The following ATP2B2 variants were observed in gnomAD, a reference collection of about 807,000 sequenced individuals.
ATP2B2 encodes the protein plasma membrane calcium-transporting ATPase 2.
ATP2B2 carries 15 observed loss-of-function variants against 120.0 expected under a neutral mutation model. That is an observed-to-expected ratio of 0.12 (90% CI 0.08 to 0.19). The LOEUF (loss-of-function observed/expected upper bound fraction) is 0.19. Ranked by LOEUF, ATP2B2 falls within the 10% of genes least tolerant of loss-of-function variation. The pLI is 1.00. For missense variants in ATP2B2, 1,045 were observed against 1,719.8 expected (o/e 0.61, Z 6.94); for synonymous variants, 694 against 700.3 (o/e 0.99, Z 0.14).
intron 1 of ATP2B2, among the ~76,000 whole-genome samples, chr3:10,477,620 G>A (rs150821332): frequency 1.2e-4 from 19 of 152,218 alleles, no homozygotes; most frequent in Admixed American, 2.0e-4. Flanking sequence ...CTACTGTAGC[G>A]ACCTCATATA....
At chr3:10,582,200 T>TG (rs933332897) in intron 2 of ATP2B2, among the ~76,000 whole-genome samples, 1 of 152,108 alleles carries the variant, frequency 6.6e-6, no homozygotes, top group African/African-American at 2.4e-5. Context: ...CGTTGTTTCT[T>TG]GGGGGGACCG....
At chr3:10,440,408 C>G (rs186382420) in intron 2 of ATP2B2, among the ~76,000 whole-genome samples, 7 of 152,328 alleles carry the variant, frequency 4.6e-5, no homozygotes, top group African/African-American at 1.7e-4. Flanking sequence ...ACCTGACAGT[C>G]TACATACACA....
At chr3:10,536,841 C>A (rs559117478) in intron 2 of ATP2B2, among the ~76,000 whole-genome samples, 1 of 152,270 alleles carries the variant, frequency 6.6e-6, no homozygotes, top group African/African-American at 2.4e-5. Flanking sequence ...TACTTTTTGT[C>A]TACAAGCTTT....
Position 10,375,469 on chromosome 3 carries a change from G to A in ATP2B2, c.1377C>T (p.Leu459=), listed in dbSNP as rs1465873295. 25 of 1,613,206 alleles carry A rather than the reference G, an allele frequency of 1.5e-5. No individual in the cohort carries two copies. The highest frequency in any genetic ancestry group is 2.1e-5 in the Non-Finnish European group (25 of 1,180,014). The part of the protein sequence containing the change: ...TVLVVAVPEG[L]PLAVTISLAY... ...CCAACGAGATGGTGACGGCCAGAGG[G>A]AGCCCCTCGGGCACGGCGACCACCA... Residue 459 remains leucine (L), a synonymous_variant, in exon 11 of 23, where the codon CTC becomes CTT. Coordinates refer to ENST00000360273, the MANE Select transcript of ATP2B2 (RefSeq NM_001001331.4). The surrounding 1 kb of genome is among the most constrained non-coding windows in gnomAD (Gnocchi z 4.2).
intron 3 of ATP2B2, among the ~76,000 whole-genome samples, chr3:10,530,972 A>G (rs1486322071): frequency 6.6e-6 from 1 of 152,168 alleles, no homozygotes; most frequent in African/African-American, 2.4e-5. Flanking sequence ...CATTTTCCAT[A>G]AACGTTTTCT....
intron 1 of ATP2B2, among the ~76,000 whole-genome samples, chr3:10,497,051 T>C (rs1391999702): frequency 3.3e-5 from 5 of 152,350 alleles, no homozygotes; most frequent in African/African-American, 1.2e-4. Context: ...TGGCAGGCTC[T>C]GCTGACCTTG....
At chr3:10,512,265 C>A (rs7629702) in intron 3 of ATP2B2, among the ~76,000 whole-genome samples, 5,664 of 152,038 alleles carry the variant, frequency 0.037, 216 homozygotes, top group Middle Eastern at 0.092. Flanking sequence ...GGGGTGACGA[C>A]TGAGAATGCT....
At chr3:10,506,675 A>G (rs907784248), upstream of ATP2B2, among the ~76,000 whole-genome samples, 2 of 151,966 alleles carry the variant, frequency 1.3e-5, no homozygotes, top group Non-Finnish European at 2.9e-5. Flanking sequence ...GAGGGAGGGC[A>G]CTGAAGGTGG....
chr3:10,336,128 C>CTT, intron 22 of ATP2B2: 1 of 1,550,394 alleles, frequency 6.4e-7, no homozygotes, highest in Non-Finnish European at 8.7e-7. Context: ...GTCACACTCA[C>CTT]GCCCGGCTGC....
chr3:10,651,458 C>T (rs2070459850), intron 1 of ATP2B2, among the ~76,000 whole-genome samples: 1 of 152,196 alleles, frequency 6.6e-6, no homozygotes, highest in Admixed American at 6.6e-5. Context: ...CTCTTGTCTG[C>T]TGCCACGTGA....
intron 1 of ATP2B2, among the ~76,000 whole-genome samples, chr3:10,664,899 GA>G (rs918390634): frequency 6.6e-6 from 1 of 152,104 alleles, no homozygotes; most frequent in Non-Finnish European, 1.5e-5. Context: ...TGCCTATCCA[GA>G]AACCTGGGAG....
chr3:10,483,483 T>C (rs961495486), intron 1 of ATP2B2, among the ~76,000 whole-genome samples: 3 of 152,176 alleles, frequency 2.0e-5, no homozygotes, highest in African/African-American at 7.2e-5. Context: ...CAGAAGGCAA[T>C]CCTGGCTCCT....
intron 1 of ATP2B2, among the ~76,000 whole-genome samples, chr3:10,686,653 C>CAA (rs796777529): frequency 7.1e-6 from 1 of 140,466 alleles, no homozygotes; most frequent in Non-Finnish European, 1.6e-5. Flanking sequence ...GACTCCATCT[C>CAA]AAAAAAAAAA....
rs1206866742 is a variant in ATP2B2 at position 10,329,020 on chromosome 3, C to T, written c.3526G>A (p.Glu1176Lys). The change falls in exon 23 of 23, where the codon GAA becomes AAA. Residue 1176 changes from glutamate to lysine, a missense_variant. Transcript: ENST00000360273. The surrounding 1 kb of genome is among the most constrained non-coding windows in gnomAD (Gnocchi z 5.9). The part of the protein sequence containing the change: ...NFMAHPEFRI[E>K]DSQPHIPLID... ...AGGGGGATGTGGGGCTGGGAATCTT[C>T]GATCCGGAATTCAGGATGAGCCATG... 3.7e-6 allele frequency: 6 copies of T among 1,613,920 alleles called. No homozygotes were observed. In the East Asian group the frequency reaches 6.7e-5, roughly 18 times the overall value.
chr3:10,378,975 G>A (rs1294935765), intron 9 of ATP2B2, among the ~76,000 whole-genome samples: 19 of 152,204 alleles, frequency 1.2e-4, no homozygotes, highest in Admixed American at 1.1e-3. Flanking sequence ...AACCTCTAAG[G>A]ATCTCAAAGT....
chr3:10,662,441 A>G (rs963113076), intron 1 of ATP2B2, among the ~76,000 whole-genome samples: 9 of 137,832 alleles, frequency 6.5e-5, no homozygotes, highest in Non-Finnish European at 1.3e-4. Flanking sequence ...GGACATGAAC[A>G]GACACTTCTC....
intron 2 of ATP2B2, among the ~76,000 whole-genome samples, chr3:10,438,290 G>A (rs1575223225): frequency 6.6e-6 from 1 of 152,190 alleles, no homozygotes; most frequent in Admixed American, 6.5e-5. Context: ...GCTGAAGGGG[G>A]AGGCCCCAGG....
At chr3:10,333,219 C>A (rs1232160138) in intron 22 of ATP2B2, among the ~76,000 whole-genome samples, 1 of 152,192 alleles carries the variant, frequency 6.6e-6, no homozygotes, top group Non-Finnish European at 1.5e-5. Flanking sequence ...CCTTCCAGGG[C>A]ACACTGGCTG....
chr3:10,401,485 G>C (rs917295597), intron 4 of ATP2B2, among the ~76,000 whole-genome samples: 5 of 152,150 alleles, frequency 3.3e-5, no homozygotes, highest in Non-Finnish European at 5.9e-5. Context: ...AAGTCACATC[G>C]TCAAGGGGAT....
Sources: allele counts gnomAD v4.1 joint callset (sites outside exome capture counted in the v4.1 genomes callset), GRCh38; gene constraint gnomAD v4.1.1; non-coding constraint Gnocchi (gnomAD v3.1); transcripts MANE v1.5; gene names NCBI Gene and HGNC (gene_info 2026-07-23, HGNC 2026-07-21).